MALRD1: variants seen among roughly 807,000 people sequenced by gnomAD.
MALRD1 encodes the protein MAM and LDL-receptor class A domain-containing protein 1.
Under a neutral mutation model 242.1 loss-of-function variants are expected in MALRD1, and 247 were observed. The ratio of observed to expected loss-of-function variants is 1.02; its 90% CI spans 0.92 to 1.13. The LOEUF is 1.13. Ranked by LOEUF, MALRD1 falls within the 50% of genes most tolerant of loss-of-function variation. The probability of loss-of-function intolerance (pLI) is 0.00; values close to 1 mark genes in which losing one functional copy is unlikely to be tolerated. For synonymous variants in MALRD1, 995 were observed against 866.6 expected, an observed-to-expected ratio of 1.15 and a Z score of -2.60; for missense variants, 2,989 against 2,533.1, an observed-to-expected ratio of 1.18 and a Z score of -3.86.
chr10:19,126,208 A>T (rs149230186), intron 7 of MALRD1, among the ~76,000 whole-genome samples: 60 of 152,254 alleles, frequency 3.9e-4, no homozygotes, highest in African/African-American at 1.3e-3. Flanking sequence ...AAATTTCAGT[A>T]TGATGAGTGC....
At chr10:19,177,237 G>A (rs1835299507) in intron 14 of MALRD1, among the ~76,000 whole-genome samples, 3 of 146,794 alleles carry the variant, frequency 2.0e-5, no homozygotes, top group African/African-American at 5.0e-5. Context: ...CCGAGATCGC[G>A]CCACTGCACT....
intron 22 of MALRD1, among the ~76,000 whole-genome samples, chr10:19,326,050 A>G (rs200369855): frequency 6.6e-6 from 1 of 152,144 alleles, no homozygotes; most frequent in African/African-American, 2.4e-5. Context: ...TTTTTTTTAT[A>G]ATGTGAGACT....
chr10:19,300,528 A>T (rs1213561989), intron 21 of MALRD1, among the ~76,000 whole-genome samples: 1 of 151,918 alleles, frequency 6.6e-6, no homozygotes, highest in Admixed American at 6.6e-5. Flanking sequence ...CCAATAGAAG[A>T]GGTTAAAGAA....
chr10:19,179,217 G>A (rs1835389152), intron 14 of MALRD1, among the ~76,000 whole-genome samples: 1 of 152,204 alleles, frequency 6.6e-6, no homozygotes, highest in South Asian at 2.1e-4. Context: ...ACCAGGTTCT[G>A]GGAGGAGAGG....
At chr10:19,054,566 C>T (rs1012549965) in intron 1 of MALRD1, among the ~76,000 whole-genome samples, 6 of 152,192 alleles carry the variant, frequency 3.9e-5, no homozygotes, top group Admixed American at 3.3e-4. Context: ...TTATTGCCGC[C>T]TATACCCCAG....
At chr10:19,175,796 T>C (rs562382162) in intron 14 of MALRD1, among the ~76,000 whole-genome samples, 1 of 152,204 alleles carries the variant, frequency 6.6e-6, no homozygotes, top group African/African-American at 2.4e-5. Context: ...GACCTTAAAA[T>C]TCTGTGTTTC....
chr10:19,086,590 T>C (rs1410728614), intron 2 of MALRD1, among the ~76,000 whole-genome samples: 3 of 152,050 alleles, frequency 2.0e-5, no homozygotes, highest in Non-Finnish European at 4.4e-5. Context: ...TTTTCCTTAA[T>C]CCTAGGAAAA....
At chr10:19,078,183 G>A (rs959825325) in intron 2 of MALRD1, among the ~76,000 whole-genome samples, 1 of 150,998 alleles carries the variant, frequency 6.6e-6, no homozygotes, top group African/African-American at 2.4e-5. Flanking sequence ...TAAGTTCTAG[G>A]GTACATGTGC....
At chr10:19,564,080 A>G (rs1039540475) in intron 32 of MALRD1, among the ~76,000 whole-genome samples, 2 of 152,220 alleles carry the variant, frequency 1.3e-5, no homozygotes, top group African/African-American at 4.8e-5. Context: ...CTGCAGAACC[A>G]TGAGACAGTT....
In MALRD1 at chr10:19,339,154, C is replaced by G. The variant is rs185632954; in HGVS notation, c.3901+7572C>G. ...GCTCTACACTTAGTTTGGACTTTAT[C>G]CCAAGGCCATGCCTTCATGGTGGAG... is the stretch of plus-strand genomic sequence containing the variant. On this transcript the variant is annotated intron_variant, in intron 24 of 39. Transcript: ENST00000454679. Among the ~76,000 whole-genome samples the G allele has an allele frequency of 2.6e-5, 4 of 152,122 alleles. No individual in the cohort carries two copies. In the East Asian group the frequency reaches 7.7e-4, roughly 29 times the overall value.
intron 21 of MALRD1, among the ~76,000 whole-genome samples, chr10:19,302,949 G>T (rs1423404949): frequency 1.3e-5 from 2 of 151,642 alleles, no homozygotes; most frequent in African/African-American, 4.8e-5. Flanking sequence ...ACTCAGGTTA[G>T]TTAGGGAAGG....
chr10:19,195,140 C>T (rs1439661979), intron 14 of MALRD1, among the ~76,000 whole-genome samples: 1 of 152,150 alleles, frequency 6.6e-6, no homozygotes, highest in Non-Finnish European at 1.5e-5. Context: ...AAGCAGCGTA[C>T]ATAGTGTTCA....
intron 29 of MALRD1, among the ~76,000 whole-genome samples, chr10:19,467,392 CAAAAA>C (rs71387079): frequency 7.4e-5 from 4 of 53,766 alleles, no homozygotes; most frequent in Admixed American, 3.5e-4. Context: ...GACTCCGTCT[CAAAAA>C]AAAAAAAAAA....
intron 28 of MALRD1, among the ~76,000 whole-genome samples, chr10:19,401,333 G>A (rs748409290): frequency 1.5e-4 from 23 of 151,736 alleles, no homozygotes; most frequent in Non-Finnish European, 2.6e-4. Flanking sequence ...ATTTAACTTC[G>A]TAATCATTTC....
intron 36 of MALRD1, among the ~76,000 whole-genome samples, chr10:19,642,070 C>G (rs899411369): frequency 6.6e-6 from 1 of 152,136 alleles, no homozygotes; most frequent in African/African-American, 2.4e-5. Context: ...ACATTACAAA[C>G]TCAACCCCAA....
At chr10:19,129,469 C>G (rs1837384811) in intron 8 of MALRD1, among the ~76,000 whole-genome samples, 1 of 152,058 alleles carries the variant, frequency 6.6e-6, no homozygotes, top group Admixed American at 6.6e-5. Flanking sequence ...AATCTAGAAG[C>G]TCTCTGAAAC....
chr10:19,194,351 T>G (rs1181031887), intron 14 of MALRD1, among the ~76,000 whole-genome samples: 1 of 152,210 alleles, frequency 6.6e-6, no homozygotes, highest in Non-Finnish European at 1.5e-5. Context: ...TTGAGTCCTC[T>G]TTAAGGACTC....
chr10:19,246,540 G>A (rs1839055768), intron 18 of MALRD1, among the ~76,000 whole-genome samples: 1 of 152,080 alleles, frequency 6.6e-6, no homozygotes, highest in South Asian at 2.1e-4. Flanking sequence ...TTTCTGATTT[G>A]AGGCACTGCT....
chr10:19,478,325 A>G (rs1160920400), intron 29 of MALRD1, among the ~76,000 whole-genome samples: 1 of 152,178 alleles, frequency 6.6e-6, no homozygotes, highest in African/African-American at 2.4e-5. Flanking sequence ...GCCATTCCCT[A>G]TCAGATGTAT....
Sources: allele counts gnomAD v4.1 joint callset (sites outside exome capture counted in the v4.1 genomes callset), GRCh38; gene constraint gnomAD v4.1.1; transcripts MANE v1.5; gene names NCBI Gene and HGNC (gene_info 2026-07-23, HGNC 2026-07-21).